Variants in GABRB1 observed in about 807,000 individuals in gnomAD.
GABRB1 encodes the protein gamma-aminobutyric acid type A receptor subunit beta1.
A neutral mutation model predicts 51.6 loss-of-function variants in GABRB1; 17 were observed. The observed-to-expected ratio is 0.33, with a 90% CI of 0.23 to 0.49. GABRB1 has a LOEUF of 0.49. Among genes scored for constraint, GABRB1 ranks in the 20% least tolerant of loss-of-function variants. The pLI, the probability that GABRB1 is intolerant of heterozygous loss-of-function variation, is 0.99. For synonymous variants in GABRB1, 247 were observed against 218.9 expected, an observed-to-expected ratio of 1.13 and a Z score of -1.14; for missense variants, 410 against 600.6, an observed-to-expected ratio of 0.68 and a Z score of 3.32.
At position 47,032,410 on chromosome 4, in the gene GABRB1, C is replaced by A. The variant is rs548630449; in HGVS notation, c.173-7C>A. 1.9e-6 allele frequency: 3 copies of A among 1,579,302 alleles called. No individual in the cohort carries two copies. In the South Asian group the frequency reaches 3.5e-5, roughly 19 times the overall value. Reference sequence around the variant, plus strand: ...TCTGTTCCTAATGTGGCCCACCTCCCCGGCAGGGCCCCCCGTCGACGTTGG... The same window carrying A: ...TCTGTTCCTAATGTGGCCCACCTCCACGGCAGGGCCCCCCGTCGACGTTGG... On this transcript the variant is annotated splice_region_variant and splice_polypyrimidine_tract_variant and intron_variant, in intron 2 of 8. Transcript: ENST00000295454.
intron 1 of GABRB1, among the ~76,000 whole-genome samples, chr4:46,997,848 C>T (rs2109424374): frequency 6.6e-6 from 1 of 152,230 alleles, no homozygotes; most frequent in South Asian, 2.1e-4. Flanking sequence ...AGGTTGTATC[C>T]ATATCTTGAC....
intron 1 of GABRB1, among the ~76,000 whole-genome samples, chr4:47,002,129 C>T (rs192123492): frequency 6.6e-6 from 1 of 152,282 alleles, no homozygotes; most frequent in African/African-American, 2.4e-5. Context: ...ACAATGCATT[C>T]TCACTATAGA....
intron 4 of GABRB1, among the ~76,000 whole-genome samples, chr4:47,215,460 G>T (rs887380634): frequency 6.6e-6 from 1 of 151,964 alleles, no homozygotes; most frequent in African/African-American, 2.4e-5. Context: ...ACATAACTAA[G>T]TTATGTTATT....
intron 3 of GABRB1, among the ~76,000 whole-genome samples, chr4:47,051,179 A>G: frequency 6.6e-6 from 1 of 152,208 alleles, no homozygotes; most frequent in East Asian, 1.9e-4. Context: ...CGGGGATTTC[A>G]GAGGCTCTGC....
rs773921939 is a variant in GABRB1, at chr4:47,032,827, C to A, written c.240+343C>A. 46 of 482,814 alleles carry A rather than the reference C, an allele frequency of 9.5e-5. No individual in the cohort carries two copies. In the Admixed American group the frequency reaches 1.0e-3, roughly 10 times the overall value. 29.9% of individuals were successfully genotyped at this position (482,814 alleles called of 1,614,324 possible). A position where few individuals can be genotyped will look rare whatever the true frequency, so the allele number is the denominator to read the frequency against. On this transcript the variant is annotated intron_variant, in intron 3 of 8. Transcript: ENST00000295454. ...AGGGCACCATCTGCTGGCAGCCGGG[C>A]GGCCTGCACTAGGGTCCCCGGACCG...
At chr4:47,130,509 G>A (rs1716365970) in intron 3 of GABRB1, among the ~76,000 whole-genome samples, 1 of 152,080 alleles carries the variant, frequency 6.6e-6, no homozygotes, top group African/African-American at 2.4e-5. Flanking sequence ...CTCTTTTGCT[G>A]TATTTATTCT....
At chr4:47,425,516 A>AGATAGATC (rs557382638) in intron 8 of GABRB1, among the ~76,000 whole-genome samples, 158 bp from the exon 9 acceptor site, 11,399 of 148,866 alleles carry the variant, frequency 0.077, 469 homozygotes, top group Non-Finnish European at 0.093. Flanking sequence ...ATAGATAGAT[A>AGATAGATC]GATCGATCGA....
chr4:47,424,849 A>C (rs1729215777), intron 8 of GABRB1, among the ~76,000 whole-genome samples: 1 of 152,222 alleles, frequency 6.6e-6, no homozygotes, highest in South Asian at 2.1e-4. Flanking sequence ...GGCATAGCAT[A>C]GAGAAGAACC....
intron 4 of GABRB1, among the ~76,000 whole-genome samples, chr4:47,297,473 C>T (rs1038022140): frequency 6.6e-6 from 1 of 151,880 alleles, no homozygotes; most frequent in Non-Finnish European, 1.5e-5. Flanking sequence ...GAGAATACTA[C>T]AAACACCTCT....
At chr4:47,097,750 T>C (rs1714517687) in intron 3 of GABRB1, among the ~76,000 whole-genome samples, 1 of 152,224 alleles carries the variant, frequency 6.6e-6, no homozygotes, top group African/African-American at 2.4e-5. Context: ...GGATGTTTAT[T>C]CTTTTATTGA....
At position 47,024,660 on chromosome 4, in the gene GABRB1, T is replaced by C. The variant is rs925263642; in HGVS notation, c.-19-7254T>C. On this transcript the variant is annotated intron_variant, in intron 1 of 3. Coordinates refer to the GABRB1 transcript ENST00000513567. Reference sequence around the variant, plus strand: ...TTAGTGATGATTTGTGAGATTTTGGTGCACCCATCACCCGAGCAGTATACA... The same window carrying C: ...TTAGTGATGATTTGTGAGATTTTGGCGCACCCATCACCCGAGCAGTATACA... 9.2e-5 allele frequency among the ~76,000 whole-genome samples: 14 copies of C among 151,828 alleles called. No individual in the cohort carries two copies. The South Asian group carries it at 2.9e-3, about 32-fold the overall frequency.
intron 5 of GABRB1, among the ~76,000 whole-genome samples, chr4:47,398,732 C>T (rs773071026): frequency 2.0e-5 from 3 of 152,068 alleles, no homozygotes; most frequent in African/African-American, 4.8e-5. Context: ...CTGCAAGCGC[C>T]CGCCACCACG....
intron 5 of GABRB1, among the ~76,000 whole-genome samples, chr4:47,386,822 A>G (rs1475264330): frequency 6.6e-6 from 1 of 152,256 alleles, no homozygotes; most frequent in Non-Finnish European, 1.5e-5. Flanking sequence ...AAGGAGAATC[A>G]GTAATCTATG....
chr4:47,232,930 A>G (rs1182188937), intron 4 of GABRB1, among the ~76,000 whole-genome samples: 1 of 146,540 alleles, frequency 6.8e-6, no homozygotes, highest in Admixed American at 6.9e-5. Context: ...GCTGGAGTGC[A>G]GTGGTTTGAT....
At position 46,994,462 on chromosome 4, in the gene GABRB1, ATG is replaced by A. The variant is rs146901515; in HGVS notation, c.-20+557_-20+558del. The stretch of plus-strand genomic sequence containing the variant: ...GAGAGAGTGGGGGGGGAAAGAGAAA[ATG>A]TGTGTGTGTGTGTGTGTGTGAGAGA... On this transcript the variant is annotated intron_variant, in intron 1 of 3. Coordinates refer to the GABRB1 transcript ENST00000513567. 1.2e-3 allele frequency: 172 copies of A among 140,182 alleles called. 1 individual carries two copies. The highest frequency in any genetic ancestry group is 7.2e-3 in the South Asian group (29 of 4,006). The allele number at this position is 140,182 out of a possible 1,614,324, so 8.7% of individuals were successfully genotyped here. A position where few individuals can be genotyped will look rare whatever the true frequency, so the allele number is the denominator to read the frequency against.
At chr4:47,292,469 A>C (rs1055115002) in intron 4 of GABRB1, among the ~76,000 whole-genome samples, 1 of 152,230 alleles carries the variant, frequency 6.6e-6, no homozygotes, top group African/African-American at 2.4e-5. Flanking sequence ...TTGTTACTTA[A>C]TATCTTTAGG....
intron 5 of GABRB1, among the ~76,000 whole-genome samples, chr4:47,390,437 T>C (rs1727946922): frequency 6.6e-6 from 1 of 152,252 alleles, no homozygotes; most frequent in African/African-American, 2.4e-5. Flanking sequence ...GAGTAATTTT[T>C]ATTTTCAAAT....
chr4:47,200,326 T>C (rs1719850009), intron 4 of GABRB1, among the ~76,000 whole-genome samples: 2 of 152,112 alleles, frequency 1.3e-5, no homozygotes, highest in Non-Finnish European at 2.9e-5. Context: ...TAGCTGTGAG[T>C]GGCTGAGGTA....
intron 4 of GABRB1, among the ~76,000 whole-genome samples, chr4:47,231,358 C>A (rs775244422): frequency 2.0e-5 from 3 of 152,108 alleles, no homozygotes; most frequent in African/African-American, 4.8e-5. Flanking sequence ...TTCTTTGAGC[C>A]TTTATTCTTT....
Sources: gnomAD v4.1 joint callset for allele counts (sites outside exome capture counted in the v4.1 genomes callset) on GRCh38, gnomAD v4.1.1 for gene constraint, MANE v1.5 for transcripts, NCBI Gene and HGNC (gene_info 2026-07-23, HGNC 2026-07-21) for gene names.